Variants in PHTF2 observed in about 807,000 individuals in gnomAD.
The protein encoded by PHTF2 is putative homeodomain transcription factor 2, also known as protein PHTF2.
Under a neutral mutation model 101.2 loss-of-function variants are expected in PHTF2, and 60 were observed. The ratio of observed to expected loss-of-function variants is 0.59; its 90% CI spans 0.48 to 0.73. The LOEUF is 0.73. Ranked by LOEUF, PHTF2 falls within the 30% of genes least tolerant of loss-of-function variation. PHTF2 has a pLI of 0.00. For missense variants in PHTF2, 747 were observed against 908.7 expected (o/e 0.82, Z 2.29); for synonymous variants, 311 against 307.3 (o/e 1.01, Z -0.13).
At chr7:77,832,656 A>C (rs1795160053) in intron 1 of PHTF2, among the ~76,000 whole-genome samples, 1 of 152,038 alleles carries the variant, frequency 6.6e-6, no homozygotes, top group Non-Finnish European at 1.5e-5. Flanking sequence ...AGCAACCAAA[A>C]TGAGATTATG....
At chr7:77,873,674 C>T (rs1395980364) in intron 3 of PHTF2, among the ~76,000 whole-genome samples, 2 of 152,092 alleles carry the variant, frequency 1.3e-5, no homozygotes, top group African/African-American at 4.8e-5. Context: ...GATGTTGCCA[C>T]TACTGGGGAT....
At chr7:77,894,059 T>C (rs1020247841) in intron 5 of PHTF2, 66 bp downstream of exon 4, 1 of 1,225,072 alleles carries the variant, frequency 8.2e-7, no homozygotes, top group Non-Finnish European at 1.2e-6. Flanking sequence ...TTAATTGAGA[T>C]CTGCTTTTTG....
chr7:77,849,185 G>A (rs1217020942), intron 2 of PHTF2, among the ~76,000 whole-genome samples: 4 of 151,922 alleles, frequency 2.6e-5, no homozygotes, highest in African/African-American at 7.3e-5. Flanking sequence ...ATGTAGTGGC[G>A]TGATCCCGGC....
intron 9 of PHTF2, 51 bp downstream of exon 8, chr7:77,910,460 T>C (rs1802283096): frequency 7.8e-7 from 1 of 1,285,772 alleles, no homozygotes; most frequent in African/African-American, 1.5e-5. Context: ...ACTATCCTTT[T>C]TCTGGCACTT....
chr7:77,891,995 T>C (rs1482125483), intron 3 of PHTF2, among the ~76,000 whole-genome samples: 1 of 152,176 alleles, frequency 6.6e-6, no homozygotes, highest in Non-Finnish European at 1.5e-5. Flanking sequence ...TAAGAGAGAA[T>C]AGCCGGGTGC....
chr7:77,935,120 TC>T lies in PHTF2; in HGVS notation c.1339-2580del, dbSNP rs201606651. 3.7e-3 allele frequency among the ~76,000 whole-genome samples: 250 copies of T among 67,506 alleles called. 11 individuals are homozygous for T. The highest frequency in any genetic ancestry group is 0.011 in the African/African-American group (221 of 20,502). 44.3% of individuals were successfully genotyped at this position (67,506 alleles called of 152,430 possible). A position where few individuals can be genotyped will look rare whatever the true frequency, so the allele number is the denominator to read the frequency against. ...AACAAGACTGTTTTTCAGTGTACAT[TC>T]CCCCCCCCCACACACACACACAGAG... On this transcript the variant is annotated intron_variant, in intron 12 of 19. Transcript: ENST00000416283.
chr7:77,875,552 AT>A (rs150086130), intron 3 of PHTF2, among the ~76,000 whole-genome samples: 64 of 104,674 alleles, frequency 6.1e-4, no homozygotes, highest in African/African-American at 2.1e-3. Flanking sequence ...TTATTTATTT[AT>A]TTATTATTAT....
intron 1 of PHTF2, among the ~76,000 whole-genome samples, chr7:77,825,602 C>T (rs1163067111): frequency 6.6e-6 from 1 of 152,190 alleles, no homozygotes; most frequent in Non-Finnish European, 1.5e-5. Context: ...CCAATTTTAG[C>T]TCTTCCTTTT....
intron 1 of PHTF2, among the ~76,000 whole-genome samples, chr7:77,817,938 T>C (rs925150257): frequency 6.6e-6 from 1 of 151,932 alleles, no homozygotes; most frequent in African/African-American, 2.4e-5. Context: ...TGAACCCCCA[T>C]CTCTACTAAA....
intron 1 of PHTF2, among the ~76,000 whole-genome samples, chr7:77,831,240 G>A (rs1027562166): frequency 3.3e-5 from 5 of 152,214 alleles, no homozygotes; most frequent in African/African-American, 7.2e-5. Context: ...AGAAAAAAAC[G>A]TGAACATGAA....
At chr7:77,915,059 G>A (rs549726755) in intron 9 of PHTF2, among the ~76,000 whole-genome samples, 2 of 134,238 alleles carry the variant, frequency 1.5e-5, no homozygotes, top group South Asian at 2.5e-4. Context: ...CTACAGGCAC[G>A]CACCACCATG....
chr7:77,947,929 C>A (rs1029643728), intron 16 of PHTF2, among the ~76,000 whole-genome samples: 1 of 137,932 alleles, frequency 7.2e-6, no homozygotes, highest in Non-Finnish European at 1.5e-5. Flanking sequence ...GCCTCTGCCT[C>A]CCCGGCTCAA....
At chr7:77,957,249 A>T (rs549677107) in exon 20 of PHTF2, 1 of 151,812 alleles carries the variant, frequency 6.6e-6, no homozygotes, top group Non-Finnish European at 1.5e-5. Context: ...TTTAATTTTC[A>T]GGTCATATAC....
chr7:77,928,817 C>G (rs749432997), intron 11 of PHTF2, among the ~76,000 whole-genome samples: 4 of 152,226 alleles, frequency 2.6e-5, no homozygotes, highest in Admixed American at 6.5e-5. Context: ...AGACTACTCT[C>G]TCTGCCTACC....
intron 1 of PHTF2, among the ~76,000 whole-genome samples, chr7:77,837,491 T>C (rs887984791): frequency 1.2e-4 from 18 of 152,232 alleles, no homozygotes; most frequent in Admixed American, 5.2e-4. Context: ...AAAATAGGTA[T>C]GAGCCATTCA....
At chr7:77,885,528 T>G (rs536435082) in intron 3 of PHTF2, among the ~76,000 whole-genome samples, 4 of 152,234 alleles carry the variant, frequency 2.6e-5, no homozygotes, top group Admixed American at 6.5e-5. Context: ...CACTGCAACC[T>G]CCGCCTCCCA....
intron 11 of PHTF2, among the ~76,000 whole-genome samples, chr7:77,926,656 A>G (rs1804028107): frequency 6.6e-6 from 1 of 152,172 alleles, no homozygotes; most frequent in Non-Finnish European, 1.5e-5. Flanking sequence ...TATTAAACAC[A>G]TGAATATTTA....
At chr7:77,894,333 C>T (rs1413855777) in intron 5 of PHTF2, among the ~76,000 whole-genome samples, 1 of 152,100 alleles carries the variant, frequency 6.6e-6, no homozygotes, top group Non-Finnish European at 1.5e-5. Flanking sequence ...TGCATAGATA[C>T]TAATCAGTGT....
intron 1 of PHTF2, among the ~76,000 whole-genome samples, chr7:77,831,616 G>A (rs1289457615): frequency 1.3e-5 from 2 of 152,222 alleles, no homozygotes; most frequent in South Asian, 2.1e-4. Flanking sequence ...TCAGGAGGAC[G>A]TGCATGAGGG....
Sources: allele counts gnomAD v4.1 joint callset (sites outside exome capture counted in the v4.1 genomes callset), GRCh38; gene constraint gnomAD v4.1.1; transcripts MANE v1.5; gene names NCBI Gene and HGNC (gene_info 2026-07-23, HGNC 2026-07-21).